The following DNAH3 variants were observed in gnomAD, a reference collection of about 807,000 sequenced individuals.
DNAH3 encodes dynein axonemal heavy chain 3.
Under a neutral mutation model 432.5 loss-of-function variants are expected in DNAH3, and 332 were observed. The observed-to-expected ratio is 0.77, with a 90% CI of 0.70 to 0.84. DNAH3 has a LOEUF of 0.84. Ranked by LOEUF, DNAH3 falls within the 40% of genes least tolerant of loss-of-function variation. The pLI is 0.00. For synonymous variants in DNAH3, 1,956 were observed against 1,900.2 expected (o/e 1.03, Z -0.76); for missense variants, 4,861 against 5,114.0 (o/e 0.95, Z 1.51).
rs572545973 is a variant in DNAH3, at chr16:21,100,332, A to G, written c.2367-1563T>C. ...GGTGATTCGCCCACCTTGGCCTCCC[A>G]AAGTGCTGGGATTACAAGCATGAGC... On this transcript the variant is annotated intron_variant, in intron 16 of 61. Coordinates refer to ENST00000261383, the Ensembl canonical transcript of DNAH3. Among the ~76,000 whole-genome samples, 30 of 152,314 alleles carry G rather than the reference A, an allele frequency of 2.0e-4. No individual in the cohort carries two copies. In the East Asian group the frequency reaches 3.9e-3, roughly 20 times the overall value.
intron 16 of DNAH3, among the ~76,000 whole-genome samples, chr16:21,100,088 GTCTC>G (rs745925464): frequency 9.2e-5 from 14 of 151,656 alleles, no homozygotes; most frequent in African/African-American, 3.1e-4. Flanking sequence ...AGTGGTTTGA[GTCTC>G]TCTCTCTCTC....
chr16:21,060,224 G>T, intron 26 of DNAH3, 40 bp downstream of exon 26: 2 of 1,492,952 alleles, frequency 1.3e-6, no homozygotes, highest in East Asian at 2.3e-5. Context: ...TCTCTTTAGT[G>T]CACTAGTGTC....
chr16:20,988,287 AG>A (rs2152675358), intron 44 of DNAH3, among the ~76,000 whole-genome samples: 1 of 152,358 alleles, frequency 6.6e-6, no homozygotes, highest in East Asian at 1.9e-4. Flanking sequence ...CCACACTTCA[AG>A]TGCTCAAGAG....
exon 7 of DNAH3, chr16:21,134,429 C>T: frequency 6.2e-7 from 1 of 1,614,096 alleles, no homozygotes; most frequent in Non-Finnish European, 8.5e-7. Context: ...GTTTTCTCTC[C>T]ATTGGGTCCA....
At chr16:21,087,300 T>G (rs2091410118) in intron 18 of DNAH3, among the ~76,000 whole-genome samples, 2 of 152,198 alleles carry the variant, frequency 1.3e-5, no homozygotes, top group African/African-American at 2.4e-5. Flanking sequence ...GGAAGGTGAT[T>G]GTGGAAATTC....
In DNAH3 at chr16:21,086,841, A is replaced by G. The variant is rs1466470111; in HGVS notation, c.2877+8T>C. ...GCTGCTTGGGGGCGGGCAGTGATTG[A>G]TAGAAACCTGCTGCCAGTGTCGGTC... On this transcript the variant is annotated splice_region_variant and intron_variant, in intron 19 of 61. Transcript: ENST00000261383. The G allele has an allele frequency of 1.4e-5, 22 of 1,613,716 alleles. No individual in the cohort carries two copies. The highest frequency in any genetic ancestry group is 1.9e-5 in the Non-Finnish European group (22 of 1,179,654).
intron 38 of DNAH3, among the ~76,000 whole-genome samples, chr16:21,024,976 G>T (rs552625615): frequency 2.5e-4 from 38 of 152,286 alleles, no homozygotes; most frequent in African/African-American, 8.9e-4. Flanking sequence ...CCAGGCTGGA[G>T]TACAGTGGTG....
chr16:21,088,748 A>C (rs2091451755), intron 18 of DNAH3, among the ~76,000 whole-genome samples: 2 of 152,312 alleles, frequency 1.3e-5, no homozygotes, highest in East Asian at 1.9e-4. Flanking sequence ...TCAAGATTCA[A>C]ATATGGAGGT....
chr16:21,084,975 C>T (rs1263797854), intron 19 of DNAH3, among the ~76,000 whole-genome samples: 1 of 151,080 alleles, frequency 6.6e-6, no homozygotes, highest in Non-Finnish European at 1.5e-5. Context: ...CCCATCCCCC[C>T]GATGCAGGTC....
intron 8 of DNAH3, 91 bp downstream of exon 9, chr16:21,127,596 C>A: frequency 6.7e-7 from 1 of 1,481,626 alleles, no homozygotes. Flanking sequence ...GCCAGTGGGA[C>A]AAACCCCAGG....
chr16:21,004,953 A>C (rs938827248), intron 41 of DNAH3, among the ~76,000 whole-genome samples: 3 of 151,986 alleles, frequency 2.0e-5, no homozygotes, highest in African/African-American at 7.3e-5. Flanking sequence ...GTCAGGGTTC[A>C]TATTCATTTA....
rs199504623 is a variant in DNAH3, at chr16:21,043,095, A to C, written c.4462-892T>G. Among the ~76,000 whole-genome samples the C allele has an allele frequency of 7.0e-4, 107 of 152,136 alleles. 2 individuals are homozygous for C. In the East Asian group the frequency reaches 0.016, roughly 23 times the overall value. On this transcript the variant is annotated intron_variant, in intron 31 of 61. Coordinates refer to ENST00000261383, the Ensembl canonical transcript of DNAH3. ...ATTGTTGGACATTTGGGTTGGTTCC[A>C]AGTCTTTGCTATTGTGAATAATGCT... is the stretch of plus-strand genomic sequence containing the variant.
chr16:20,972,826 T>G (rs2085407547), intron 51 of DNAH3, among the ~76,000 whole-genome samples: 1 of 149,770 alleles, frequency 6.7e-6, no homozygotes, highest in South Asian at 2.1e-4. Flanking sequence ...CCTCCCAGGT[T>G]CAAGTGATTC....
intron 41 of DNAH3, among the ~76,000 whole-genome samples, chr16:21,013,327 T>TGGGACC (rs2152703978): frequency 6.9e-6 from 1 of 145,914 alleles, no homozygotes; most frequent in African/African-American, 2.7e-5. Flanking sequence ...TCCAGGAGTT[T>TGGGACC]GGGACCAGCA....
chr16:21,110,950 C>T (rs1307258598), intron 14 of DNAH3, among the ~76,000 whole-genome samples: 2 of 152,122 alleles, frequency 1.3e-5, no homozygotes, highest in African/African-American at 4.8e-5. Context: ...GGCTACCGTG[C>T]ACTGTGACTG....
intron 56 of DNAH3, among the ~76,000 whole-genome samples, chr16:20,949,097 G>A (rs1345992522): frequency 1.3e-5 from 2 of 151,828 alleles, no homozygotes; most frequent in Non-Finnish European, 1.5e-5. Flanking sequence ...TCGTTTGTGC[G>A]ACCCCATTCC....
chr16:21,059,962 T>G (rs1403638662), intron 26 of DNAH3, among the ~76,000 whole-genome samples: 1 of 152,132 alleles, frequency 6.6e-6, no homozygotes, highest in African/African-American at 2.4e-5. Flanking sequence ...GAATTATTAA[T>G]TGGAAGGGAC....
chr16:20,936,539 G>A, intron 60 of DNAH3, 110 bp downstream of exon 60: 4 of 922,956 alleles, frequency 4.3e-6, no homozygotes, highest in Non-Finnish European at 6.6e-6. Context: ...AATCCAGGAT[G>A]TTCTGTGGCT....
exon 29 of DNAH3, chr16:21,051,708 G>A (rs1338603932): frequency 4.3e-6 from 7 of 1,613,536 alleles, no homozygotes; most frequent in Non-Finnish European, 5.9e-6. Context: ...TCACCAGCCG[G>A]GGGGAGTTTC....
Sources: allele counts gnomAD v4.1 joint callset (sites outside exome capture counted in the v4.1 genomes callset), GRCh38; gene constraint gnomAD v4.1.1; transcripts MANE v1.5; gene names NCBI Gene and HGNC (gene_info 2026-07-23, HGNC 2026-07-21).